The following ADD2 variants were observed in gnomAD, a reference collection of about 807,000 sequenced individuals.
ADD2 encodes the protein adducin 2.
ADD2 carries 23 observed loss-of-function variants against 83.0 expected under a neutral mutation model. The ratio of observed to expected loss-of-function variants is 0.28; its 90% CI spans 0.20 to 0.39. ADD2 has a LOEUF of 0.39. Among genes scored for constraint, ADD2 ranks in the 10% least tolerant of loss-of-function variants. ADD2 has a pLI of 1.00. For missense variants in ADD2, 758 were observed against 944.9 expected, an observed-to-expected ratio of 0.80 and a Z score of 2.59; for synonymous variants, 375 against 375.4, an observed-to-expected ratio of 1.00 and a Z score of 0.01.
chr2:70,667,017 C>T (rs550187882), intron 15 of ADD2, among the ~76,000 whole-genome samples: 65 of 152,300 alleles, frequency 4.3e-4, no homozygotes, highest in Admixed American at 3.2e-3. Context: ...TGTTAGGCCC[C>T]TGGAAAGTAC....
chr2:70,728,544 C>T (rs541455659), intron 1 of ADD2, among the ~76,000 whole-genome samples: 11 of 152,290 alleles, frequency 7.2e-5, no homozygotes, highest in African/African-American at 2.6e-4. Context: ...TCCAGTTTGA[C>T]AGGTATTGAT....
rs943368837 is a variant in ADD2, at chr2:70,660,392, A to C, written c.*3033T>G. The C allele has an allele frequency of 1.3e-5, 2 of 152,366 alleles. No individual in the cohort carries two copies. Among genetic ancestry groups the C allele is most frequent in the East Asian group, 3.8e-4 (2 of 5,204 alleles). 9.4% of individuals were successfully genotyped at this position (152,366 alleles called of 1,614,324 possible). A position where few individuals can be genotyped will look rare whatever the true frequency, so the allele number is the denominator to read the frequency against. On this transcript the variant is annotated 3_prime_UTR_variant, in exon 16 of 16. Transcript: ENST00000264436. ...CTGTAGAGGAAACATCGTGTAAAGC[A>C]GGCCATCAACTATGTTTTAGTATTG... is the stretch of plus-strand genomic sequence containing the variant.
intron 1 of ADD2, among the ~76,000 whole-genome samples, chr2:70,765,596 G>A (rs1035878464): frequency 6.6e-6 from 1 of 152,238 alleles, no homozygotes; most frequent in Non-Finnish European, 1.5e-5. Flanking sequence ...AACCTGGCAC[G>A]TAGTAAGTCC....
At chr2:70,734,884 G>A (rs553300859) in intron 1 of ADD2, among the ~76,000 whole-genome samples, 1 of 152,326 alleles carries the variant, frequency 6.6e-6, no homozygotes, top group Non-Finnish European at 1.5e-5. Flanking sequence ...GAGAGATCAA[G>A]TTCTGGCCCA....
intron 15 of ADD2, among the ~76,000 whole-genome samples, chr2:70,671,237 G>A (rs1240728878): frequency 6.6e-6 from 1 of 152,174 alleles, no homozygotes; most frequent in Non-Finnish European, 1.5e-5. Context: ...CCTGAGAGCC[G>A]TAAGCACTCT....
rs1553364470 is a variant in ADD2 at position 70,658,473 on chromosome 2, CCT to C, written c.*4950_*4951del. ...TTCATGAGTTTACAGTCACTACAGG[CCT>C]CTTACTTCTTGCATTAAACTATCCC... On this transcript the variant is annotated 3_prime_UTR_variant, in exon 16 of 16. Coordinates refer to ENST00000264436, the MANE Select transcript of ADD2 (RefSeq NM_001617.4). 1.3e-5 allele frequency: 2 copies of C among 152,184 alleles called. No individual in the cohort carries two copies. Among genetic ancestry groups the C allele is most frequent in the Non-Finnish European group, 2.9e-5 (2 of 68,040 alleles). 9.4% of individuals were successfully genotyped at this position (152,184 alleles called of 1,614,324 possible). A position where few individuals can be genotyped will look rare whatever the true frequency, so the allele number is the denominator to read the frequency against.
chr2:70,718,010 T>A (rs963604035), intron 1 of ADD2, among the ~76,000 whole-genome samples: 14 of 152,342 alleles, frequency 9.2e-5, no homozygotes, highest in Admixed American at 5.2e-4. Context: ...AGACACCCCC[T>A]TAGTTGGAAG....
chr2:70,708,822 C>A (rs1325772719), intron 2 of ADD2, among the ~76,000 whole-genome samples: 2 of 152,246 alleles, frequency 1.3e-5, no homozygotes, highest in African/African-American at 4.8e-5. Flanking sequence ...TCTCAGCCAA[C>A]CACAGCAGCT....
rs1574264598 is a variant in ADD2, at chr2:70,703,495, A to C, written c.322+826T>G. Among the ~76,000 whole-genome samples, 4 of 152,340 alleles carry C rather than the reference A, an allele frequency of 2.6e-5. No homozygotes were observed. The South Asian group carries it at 8.3e-4, about 32-fold the overall frequency. ...GATGTAATCTGCCATTCTGCATTAA[A>C]GTCTTTAAAACATGCATGCATGTAC... is the stretch of plus-strand genomic sequence containing the variant. On this transcript the variant is annotated intron_variant, in intron 4 of 15. Coordinates refer to ENST00000264436, the MANE Select transcript of ADD2 (RefSeq NM_001617.4).
intron 1 of ADD2, among the ~76,000 whole-genome samples, chr2:70,753,973 A>T (rs1376591673): frequency 6.6e-6 from 1 of 152,204 alleles, no homozygotes; most frequent in Non-Finnish European, 1.5e-5. Context: ...AGGCTAGACA[A>T]GGGCGTCATC....
intron 10 of ADD2, among the ~76,000 whole-genome samples, chr2:70,679,864 C>G (rs572756020): frequency 6.6e-6 from 1 of 151,854 alleles, no homozygotes; most frequent in African/African-American, 2.4e-5. Context: ...TAACTATTTT[C>G]CTTTGTAAAT....
chr2:70,714,401 G>A (rs1431532544), intron 1 of ADD2, among the ~76,000 whole-genome samples: 1 of 151,830 alleles, frequency 6.6e-6, no homozygotes, highest in Admixed American at 6.6e-5. Flanking sequence ...TGAGGGACAA[G>A]GAGAACTCAT....
chr2:70,710,351 G>A (rs957653873), intron 2 of ADD2, among the ~76,000 whole-genome samples: 1 of 152,244 alleles, frequency 6.6e-6, no homozygotes, highest in Non-Finnish European at 1.5e-5. Context: ...TAACTGATCT[G>A]TGAAGGCTGT....
intron 1 of ADD2, among the ~76,000 whole-genome samples, chr2:70,715,643 C>T (rs1672423584): frequency 6.6e-6 from 1 of 152,140 alleles, no homozygotes; most frequent in South Asian, 2.1e-4. Flanking sequence ...GAACTGTGAA[C>T]CCGGACATTA....
In ADD2 at chr2:70,662,933, C is replaced by G. The variant is rs1675594398; in HGVS notation, c.*492G>C. On this transcript the variant is annotated 3_prime_UTR_variant, in exon 16 of 16. Coordinates refer to ENST00000264436, the MANE Select transcript of ADD2 (RefSeq NM_001617.4). ...GTCACTTTGAGCAGCAGGGCAGGGA[C>G]CCAAAGTGGAAAAGAGAAGAGATTT... 6.4e-6 allele frequency: 1 copy of G among 155,336 alleles called. No homozygotes were observed. The highest frequency in any genetic ancestry group is 1.4e-5 in the Non-Finnish European group (1 of 70,108). 9.6% of individuals were successfully genotyped at this position (155,336 alleles called of 1,614,324 possible).
In ADD2 at chr2:70,676,487, G is replaced by A. The variant is rs538006700; in HGVS notation, c.1593+309C>T. On this transcript the variant is annotated intron_variant, in intron 13 of 15. Coordinates refer to ENST00000264436, the MANE Select transcript of ADD2 (RefSeq NM_001617.4). This position sits in a 1 kb window ranked among gnomAD's most constrained non-coding sequence, Gnocchi z 4.8. ...CCAAGCCTATGAGTCCCCACTTCAC[G>A]GGGTAGTAAGGGAGGACAGAGTGGA... The A allele has an allele frequency of 1.1e-4, 149 of 1,319,454 alleles. No individual in the cohort carries two copies. Among genetic ancestry groups the A allele is most frequent in the Non-Finnish European group, 1.3e-4 (134 of 1,032,090 alleles). The allele number at this position is 1,319,454 out of a possible 1,614,324, so 81.7% of individuals were successfully genotyped here.
intron 15 of ADD2, among the ~76,000 whole-genome samples, chr2:70,669,399 T>C (rs781863478): frequency 6.6e-6 from 1 of 152,200 alleles, no homozygotes; most frequent in African/African-American, 2.4e-5. Flanking sequence ...TAGCCACACA[T>C]TGAGAAACAT....
chr2:70,705,926 G>A (rs1034879007), intron 3 of ADD2, among the ~76,000 whole-genome samples: 2 of 152,174 alleles, frequency 1.3e-5, no homozygotes, highest in Non-Finnish European at 2.9e-5. Context: ...CTTTTGGTGA[G>A]GAGGGAAGAC....
At chr2:70,764,760 G>C (rs1454925233) in intron 1 of ADD2, among the ~76,000 whole-genome samples, 2 of 151,706 alleles carry the variant, frequency 1.3e-5, no homozygotes, top group African/African-American at 4.9e-5. Context: ...TTCCAGCCTG[G>C]GTAACAGAGC....
Sources: gnomAD v4.1 joint callset for allele counts (sites outside exome capture counted in the v4.1 genomes callset) on GRCh38, gnomAD v4.1.1 for gene constraint, Gnocchi (gnomAD v3.1) non-coding constraint, MANE v1.5 for transcripts, NCBI Gene and HGNC (gene_info 2026-07-23, HGNC 2026-07-21) for gene names.